NALF1: variants seen among roughly 807,000 people sequenced by gnomAD.
NALF1 encodes NALCN channel auxiliary factor 1.
NALF1 carries 3 observed loss-of-function variants against 48.4 expected under a neutral mutation model. The ratio of observed to expected loss-of-function variants is 0.06; its 90% CI spans 0.03 to 0.16. The LOEUF (loss-of-function observed/expected upper bound fraction) is 0.16, where lower values mean the gene tolerates loss of function less well. Among genes scored for constraint, NALF1 ranks in the 10% least tolerant of loss-of-function variants. The pLI is 1.00. For synonymous variants in NALF1, 262 were observed against 245.7 expected (o/e 1.07, Z -0.62); for missense variants, 526 against 571.5 (o/e 0.92, Z 0.81).
chr13:107,449,579 G>C (rs1884707370), intron 1 of NALF1, among the ~76,000 whole-genome samples: 2 of 152,192 alleles, frequency 1.3e-5, no homozygotes. Flanking sequence ...CGGATATGTA[G>C]AAGTCGGTAA....
At chr13:107,806,052 C>A (rs1199902797) in intron 1 of NALF1, among the ~76,000 whole-genome samples, 2 of 152,252 alleles carry the variant, frequency 1.3e-5, no homozygotes, top group Non-Finnish European at 2.9e-5. Context: ...GAAACCTCAT[C>A]CCTTTTGTAA....
chr13:107,183,187 C>A (rs893618554), intron 2 of NALF1, among the ~76,000 whole-genome samples: 4 of 152,140 alleles, frequency 2.6e-5, no homozygotes, highest in Admixed American at 1.3e-4. Context: ...TGGGTCCCAG[C>A]GACACACCCC....
intron 1 of NALF1, among the ~76,000 whole-genome samples, chr13:107,467,121 A>C (rs76040628): frequency 0.024 from 3,716 of 152,190 alleles, 169 homozygotes; most frequent in African/African-American, 0.085. Flanking sequence ...CTGTTAATTC[A>C]ACATATTCTT....
At chr13:107,706,870 A>T (rs1207308468) in intron 1 of NALF1, among the ~76,000 whole-genome samples, 1 of 152,012 alleles carries the variant, frequency 6.6e-6, no homozygotes, top group Non-Finnish European at 1.5e-5. Context: ...ATTGTTGAAA[A>T]CATATGGGGA....
intron 1 of NALF1, among the ~76,000 whole-genome samples, chr13:107,618,957 AGG>A (rs1879454551): frequency 6.6e-6 from 1 of 152,158 alleles, no homozygotes. Context: ...TTGCTACCTT[AGG>A]GGATCCTCAC....
At chr13:107,304,181 T>C (rs1397021733) in intron 1 of NALF1, among the ~76,000 whole-genome samples, 1 of 152,226 alleles carries the variant, frequency 6.6e-6, no homozygotes, top group Admixed American at 6.5e-5. Flanking sequence ...AGGCACCCTG[T>C]ATTTCCATCT....
chr13:107,317,671 T>C (rs180940365), intron 1 of NALF1, among the ~76,000 whole-genome samples: 1 of 152,118 alleles, frequency 6.6e-6, no homozygotes, highest in East Asian at 1.9e-4. Flanking sequence ...TTATAAGAAA[T>C]AGTAGCATAT....
chr13:107,539,521 G>T (rs1020162056), intron 1 of NALF1, among the ~76,000 whole-genome samples: 1 of 152,126 alleles, frequency 6.6e-6, no homozygotes, highest in Non-Finnish European at 1.5e-5. Context: ...GCATAGGGTT[G>T]ACAATCAAAG....
At chr13:107,184,029 G>A (rs1879122440) in intron 2 of NALF1, among the ~76,000 whole-genome samples, 1 of 150,094 alleles carries the variant, frequency 6.7e-6, no homozygotes, top group South Asian at 2.1e-4. Flanking sequence ...CCGGGCTGGA[G>A]TGCAGTGGCA....
chr13:107,569,149 T>G (rs1466022623), intron 1 of NALF1, among the ~76,000 whole-genome samples: 1 of 152,290 alleles, frequency 6.6e-6, no homozygotes, highest in East Asian at 1.9e-4. Flanking sequence ...TTTGAATATC[T>G]AATTGCTCCA....
intron 1 of NALF1, among the ~76,000 whole-genome samples, chr13:107,756,139 G>A (rs566159690): frequency 2.0e-5 from 3 of 152,290 alleles, no homozygotes; most frequent in African/African-American, 7.2e-5. Flanking sequence ...GAAGCTAGAA[G>A]AGAGAAACTT....
At chr13:107,450,604 T>C (rs1394218881) in intron 1 of NALF1, among the ~76,000 whole-genome samples, 1 of 152,068 alleles carries the variant, frequency 6.6e-6, no homozygotes, top group Non-Finnish European at 1.5e-5. Context: ...GAGTTTTTGA[T>C]GCAGGGAGAG....
chr13:107,512,172 A>T (rs989132846), intron 1 of NALF1, among the ~76,000 whole-genome samples: 2 of 152,188 alleles, frequency 1.3e-5, no homozygotes, highest in Admixed American at 1.3e-4. Context: ...AGGCGGGTGG[A>T]TCACGAGGTC....
At chr13:107,788,796 A>T (rs1878148248) in intron 1 of NALF1, 1 of 152,180 alleles carries the variant, frequency 6.6e-6, no homozygotes, top group Non-Finnish European at 1.5e-5. Context: ...AAAAAAAAAA[A>T]ATTTTGTCAC....
At chr13:107,303,176 A>G (rs941262064) in intron 1 of NALF1, among the ~76,000 whole-genome samples, 2 of 151,842 alleles carry the variant, frequency 1.3e-5, no homozygotes, top group Non-Finnish European at 2.9e-5. Context: ...TTTGTTGGCC[A>G]TTTGTGTATC....
At chr13:107,323,027 T>C (rs7337651) in intron 1 of NALF1, among the ~76,000 whole-genome samples, 6,333 of 152,234 alleles carry the variant, frequency 0.042, 182 homozygotes, top group Middle Eastern at 0.065. Flanking sequence ...AATATAAAGC[T>C]TAGCTGTTTG....
chr13:107,363,332 T>C (rs1189113542), intron 1 of NALF1, among the ~76,000 whole-genome samples: 1 of 152,156 alleles, frequency 6.6e-6, no homozygotes, highest in Non-Finnish European at 1.5e-5. Context: ...GATGGCTCAT[T>C]CCTATAATCA....
intron 1 of NALF1, among the ~76,000 whole-genome samples, chr13:107,734,894 C>T (rs772251543): frequency 1.5e-4 from 23 of 152,100 alleles, no homozygotes; most frequent in Non-Finnish European, 3.1e-4. Flanking sequence ...CTCCACTGTA[C>T]TCCAGCCCCA....
At chr13:107,671,940 T>C (rs1246720897) in intron 1 of NALF1, among the ~76,000 whole-genome samples, 2 of 152,076 alleles carry the variant, frequency 1.3e-5, no homozygotes, top group Non-Finnish European at 2.9e-5. Flanking sequence ...AGAGACATAA[T>C]GGTTTTCACA....
Sources: allele counts gnomAD v4.1 joint callset (sites outside exome capture counted in the v4.1 genomes callset), GRCh38; gene constraint gnomAD v4.1.1; transcripts MANE v1.5; gene names NCBI Gene and HGNC (gene_info 2026-07-23, HGNC 2026-07-21).